Variants in MARCHF1 observed in about 807,000 individuals in gnomAD.
The protein encoded by MARCHF1 is membrane associated ring-CH-type finger 1.
A neutral mutation model predicts 54.2 loss-of-function variants in MARCHF1; 40 were observed. The ratio of observed to expected loss-of-function variants is 0.74; its 90% CI spans 0.57 to 0.96. MARCHF1 has a LOEUF of 0.96. MARCHF1 is among the 40% of genes least tolerant of loss of function. The pLI, the probability that MARCHF1 is intolerant of heterozygous loss-of-function variation, is 0.00. For synonymous variants in MARCHF1, 236 were observed against 236.3 expected, an observed-to-expected ratio of 1.00 and a Z score of 0.01; for missense variants, 586 against 656.5, an observed-to-expected ratio of 0.89 and a Z score of 1.17.
chr4:164,303,486 G>T (rs1429461644), intron 1 of MARCHF1, among the ~76,000 whole-genome samples: 3 of 152,084 alleles, frequency 2.0e-5, no homozygotes, highest in Non-Finnish European at 4.4e-5. Context: ...GCCTTTGATA[G>T]GATTAAATAA....
Position 164,068,745 on chromosome 4 carries a change from C to G in MARCHF1, c.-248+42843G>C, listed in dbSNP as rs529490855. On this transcript the variant is annotated intron_variant, in intron 2 of 9. Coordinates refer to ENST00000514618, the MANE Select transcript of MARCHF1 (RefSeq NM_001394959.1). ...CCAAGGGTTGAGGAGTGAGGGCGCA[C>G]AGCGTGGGACTGGCAGCCAGTTCCA... Among the ~76,000 whole-genome samples the G allele has an allele frequency of 3.9e-4, 59 of 152,286 alleles. 2 individuals carry two copies. In the South Asian group the frequency reaches 0.012, roughly 31 times the overall value.
chr4:163,620,036 T>C (rs1741629864), intron 5 of MARCHF1, among the ~76,000 whole-genome samples: 1 of 152,144 alleles, frequency 6.6e-6, no homozygotes, highest in African/African-American at 2.4e-5. Context: ...AATAGCTAAT[T>C]TCTCTAGTAT....
At chr4:164,018,937 G>C (rs1326443529) in intron 2 of MARCHF1, among the ~76,000 whole-genome samples, 2 of 152,168 alleles carry the variant, frequency 1.3e-5, no homozygotes, top group Non-Finnish European at 2.9e-5. Context: ...ATCCACAAGA[G>C]AGGTTACTAT....
intron 1 of MARCHF1, among the ~76,000 whole-genome samples, chr4:164,211,706 A>G (rs2111120087): frequency 6.6e-6 from 1 of 152,104 alleles, no homozygotes; most frequent in East Asian, 1.9e-4. Context: ...GACAATGGTT[A>G]AAGAACTTAG....
intron 1 of MARCHF1, among the ~76,000 whole-genome samples, chr4:164,271,768 T>G (rs947715239): frequency 2.6e-5 from 4 of 152,044 alleles, no homozygotes; most frequent in Admixed American, 2.6e-4. Flanking sequence ...TGGTAGGTCA[T>G]AGAACCAAGA....
chr4:163,985,414 A>T (rs1173484093), intron 3 of MARCHF1, among the ~76,000 whole-genome samples: 1 of 152,178 alleles, frequency 6.6e-6, no homozygotes, highest in African/African-American at 2.4e-5. Context: ...CCAAACAGAG[A>T]TGATTATAAT....
intron 5 of MARCHF1, among the ~76,000 whole-genome samples, chr4:163,653,731 C>T (rs1317621679): frequency 6.6e-6 from 1 of 151,690 alleles, no homozygotes; most frequent in African/African-American, 2.4e-5. Flanking sequence ...AGATGAGGAG[C>T]ACTCAGAGCT....
chr4:163,725,260 G>T lies in MARCHF1; in HGVS notation c.112-24397C>A, dbSNP rs144155278. The stretch of plus-strand genomic sequence containing the variant: ...TCATATTTCAAGAATTACAGAAAGG[G>T]GTAATAAAAGTAGTGGCATAGTGTG... On this transcript the variant is annotated intron_variant, in intron 4 of 9. Coordinates refer to ENST00000514618, the MANE Select transcript of MARCHF1 (RefSeq NM_001394959.1). 1.3e-3 allele frequency among the ~76,000 whole-genome samples: 202 copies of T among 152,124 alleles called. 2 individuals carry two copies. The Middle Eastern group carries it at 0.014, about 10-fold the overall frequency.
chr4:163,730,653 G>T (rs1745798841), intron 4 of MARCHF1, among the ~76,000 whole-genome samples: 1 of 151,996 alleles, frequency 6.6e-6, no homozygotes, highest in African/African-American at 2.4e-5. Context: ...GTGCCATGTT[G>T]GTGTGCTGCA....
At chr4:163,973,361 G>A (rs1311058125) in intron 3 of MARCHF1, among the ~76,000 whole-genome samples, 1 of 152,198 alleles carries the variant, frequency 6.6e-6, no homozygotes, top group African/African-American at 2.4e-5. Context: ...CAACTGTCTG[G>A]TGACTGGCTG....
intron 9 of MARCHF1, among the ~76,000 whole-genome samples, chr4:163,536,531 T>C (rs1207708149): frequency 6.6e-6 from 1 of 152,186 alleles, no homozygotes; most frequent in Non-Finnish European, 1.5e-5. Context: ...TACTGTGTCA[T>C]GCTATAATCT....
chr4:163,754,192 T>A (rs1746600734), intron 4 of MARCHF1, among the ~76,000 whole-genome samples: 1 of 152,194 alleles, frequency 6.6e-6, no homozygotes, highest in African/African-American at 2.4e-5. Flanking sequence ...CAAACTTATA[T>A]TACTCTTGGT....
intron 5 of MARCHF1, among the ~76,000 whole-genome samples, chr4:163,679,982 T>C (rs1234856246): frequency 1.1e-4 from 4 of 35,946 alleles, no homozygotes; most frequent in Non-Finnish European, 3.3e-4. Flanking sequence ...TTTATCTGTT[T>C]TTTTTTTTTT....
At chr4:164,053,358 T>C (rs1396612177) in intron 2 of MARCHF1, among the ~76,000 whole-genome samples, 2 of 151,478 alleles carry the variant, frequency 1.3e-5, no homozygotes, top group African/African-American at 4.8e-5. Flanking sequence ...AACATAGGAA[T>C]TGAGAAAGAA....
chr4:163,615,061 T>C (rs1022432210), intron 5 of MARCHF1, among the ~76,000 whole-genome samples: 3 of 152,068 alleles, frequency 2.0e-5, no homozygotes, highest in Admixed American at 1.3e-4. Flanking sequence ...GCTTCTGACC[T>C]CTAGAACTAT....
intron 5 of MARCHF1, among the ~76,000 whole-genome samples, chr4:163,628,277 G>T (rs13116763): frequency 0.36 from 54,005 of 151,978 alleles, 9,873 homozygotes; most frequent in Non-Finnish European, 0.42. Context: ...ATGTAATCCA[G>T]CACATAAACA....
chr4:163,986,247 TTC>T (rs200496350), intron 3 of MARCHF1, among the ~76,000 whole-genome samples: 39 of 41,634 alleles, frequency 9.4e-4, no homozygotes, highest in African/African-American at 2.1e-3. Context: ...AATTAACCTC[TTC>T]TTTTTTTTTT....
intron 8 of MARCHF1, among the ~76,000 whole-genome samples, chr4:163,570,636 T>C (rs759926067): frequency 1.2e-4 from 18 of 152,150 alleles, no homozygotes; most frequent in Non-Finnish European, 1.9e-4. Flanking sequence ...AGATTATACA[T>C]TCTTGGCCTG....
At chr4:163,536,168 ATTAAGCAG>A (rs1366299997) in intron 9 of MARCHF1, among the ~76,000 whole-genome samples, 1 of 152,206 alleles carries the variant, frequency 6.6e-6, no homozygotes, top group Non-Finnish European at 1.5e-5. Flanking sequence ...GTAAACTTAT[ATTAAGCAG>A]TAGTTTCAAT....
Sources: gnomAD v4.1 joint callset for allele counts (sites outside exome capture counted in the v4.1 genomes callset) on GRCh38, gnomAD v4.1.1 for gene constraint, MANE v1.5 for transcripts, NCBI Gene and HGNC (gene_info 2026-07-23, HGNC 2026-07-21) for gene names.